GRM8: variants seen among roughly 807,000 people sequenced by gnomAD.
GRM8 encodes metabotropic glutamate receptor 8.
A neutral mutation model predicts 87.2 loss-of-function variants in GRM8; 47 were observed. That is an observed-to-expected ratio of 0.54 (90% CI 0.43 to 0.69). The LOEUF (loss-of-function observed/expected upper bound fraction) is 0.69. Among genes scored for constraint, GRM8 ranks in the 30% least tolerant of loss-of-function variants. The pLI, the probability that GRM8 is intolerant of heterozygous loss-of-function variation, is 0.00. For synonymous variants in GRM8, 396 were observed against 404.5 expected (o/e 0.98, Z 0.25); for missense variants, 1,019 against 1,139.2 (o/e 0.89, Z 1.52).
chr7:126,667,075 C>A (rs978162400), intron 7 of GRM8, among the ~76,000 whole-genome samples: 7 of 152,084 alleles, frequency 4.6e-5, no homozygotes, highest in Admixed American at 3.3e-4. Context: ...ATAATAATAA[C>A]AGATAACACA....
chr7:127,100,653 C>T (rs1441269620), intron 3 of GRM8, among the ~76,000 whole-genome samples: 1 of 152,162 alleles, frequency 6.6e-6, no homozygotes, highest in Non-Finnish European at 1.5e-5. Context: ...GGCAAGAATG[C>T]TTGTGCAGGG....
At chr7:126,742,461 A>T (rs1815121605) in intron 7 of GRM8, among the ~76,000 whole-genome samples, 1 of 151,892 alleles carries the variant, frequency 6.6e-6, no homozygotes, top group Non-Finnish European at 1.5e-5. Context: ...GATCTGGGTA[A>T]GCATTTCAAG....
At chr7:126,768,321 A>G (rs750481520) in intron 7 of GRM8, among the ~76,000 whole-genome samples, 14 of 146,220 alleles carry the variant, frequency 9.6e-5, no homozygotes, top group Non-Finnish European at 1.7e-4. Flanking sequence ...TCCTAAAAAC[A>G]AGCACAGCAA....
chr7:126,587,691 G>A (rs2151031236), intron 8 of GRM8, among the ~76,000 whole-genome samples: 1 of 131,294 alleles, frequency 7.6e-6, no homozygotes, highest in Middle Eastern at 4.2e-3. Context: ...ATGGGCGGGG[G>A]GAGGGATAGC....
At chr7:126,513,984 CAAAGTA>C (rs1365694571) in intron 9 of GRM8, among the ~76,000 whole-genome samples, 13 of 152,034 alleles carry the variant, frequency 8.6e-5, no homozygotes, top group African/African-American at 3.1e-4. Flanking sequence ...TAAAAAGAAA[CAAAGTA>C]GAGAGAACAG....
chr7:126,509,340 G>A (rs1810978119), intron 9 of GRM8, among the ~76,000 whole-genome samples: 1 of 151,960 alleles, frequency 6.6e-6, no homozygotes, highest in Admixed American at 6.6e-5. Context: ...GACACTTGAG[G>A]CAATAAAGGT....
intron 7 of GRM8, among the ~76,000 whole-genome samples, chr7:126,755,714 T>C (rs1468863357): frequency 6.6e-6 from 1 of 150,798 alleles, no homozygotes; most frequent in African/African-American, 2.4e-5. Context: ...ACTTTGGAAC[T>C]ACCCTAGAGA....
chr7:127,033,722 A>T (rs1455904234), intron 3 of GRM8, among the ~76,000 whole-genome samples: 5 of 152,144 alleles, frequency 3.3e-5, no homozygotes, highest in Non-Finnish European at 7.4e-5. Flanking sequence ...CTTTAGATAG[A>T]AGGGACTTTC....
intron 6 of GRM8, among the ~76,000 whole-genome samples, chr7:126,872,068 A>G (rs1018617994): frequency 6.6e-6 from 1 of 152,154 alleles, no homozygotes; most frequent in East Asian, 1.9e-4. Flanking sequence ...GTGTATGTCT[A>G]TAAGTGATCT....
At chr7:126,677,015 A>G (rs1003447105) in intron 7 of GRM8, among the ~76,000 whole-genome samples, 1 of 152,076 alleles carries the variant, frequency 6.6e-6, no homozygotes, top group East Asian at 1.9e-4. Flanking sequence ...AATCAGCAGG[A>G]AAAAAATGAT....
At chr7:126,929,474 C>G (rs1176782783) in intron 3 of GRM8, among the ~76,000 whole-genome samples, 1 of 152,066 alleles carries the variant, frequency 6.6e-6, no homozygotes, top group African/African-American at 2.4e-5. Context: ...TGCTCTGTCA[C>G]CCAGGCTGCA....
chr7:127,245,213 T>G (rs1798521984), intron 1 of GRM8, among the ~76,000 whole-genome samples: 1 of 152,200 alleles, frequency 6.6e-6, no homozygotes, highest in African/African-American at 2.4e-5. Flanking sequence ...AAGATTGTGT[T>G]TAACAGTTTC....
At chr7:126,471,331 G>A (rs1805193867) in intron 9 of GRM8, among the ~76,000 whole-genome samples, 1 of 152,020 alleles carries the variant, frequency 6.6e-6, no homozygotes, top group Admixed American at 6.6e-5. Flanking sequence ...TAGGTCTAAC[G>A]TTTAAGTCTT....
intron 2 of GRM8, among the ~76,000 whole-genome samples, chr7:127,151,625 C>T (rs867350015): frequency 7.2e-5 from 11 of 152,042 alleles, no homozygotes; most frequent in Admixed American, 4.6e-4. Flanking sequence ...TCACAGAGTT[C>T]TTGAGCCCCT....
At chr7:126,820,957 C>T (rs1446372221) in intron 6 of GRM8, among the ~76,000 whole-genome samples, 3 of 152,132 alleles carry the variant, frequency 2.0e-5, no homozygotes, top group South Asian at 2.1e-4. Flanking sequence ...AAAAATTAGC[C>T]GGGCATGGTG....
Position 126,527,256 on chromosome 7 carries a change from G to A in GRM8, c.2430+5696C>T, listed in dbSNP as rs528244892. On this transcript the variant is annotated intron_variant, in intron 9 of 10. Coordinates refer to ENST00000339582, the MANE Select transcript of GRM8 (RefSeq NM_000845.3). ...ATCTGTAATCCTAGCTACTTGAGAGGCTGAGGCAAGAGAATCGCTTGAACC... is the reference window on the plus strand; with the variant it reads ...ATCTGTAATCCTAGCTACTTGAGAGACTGAGGCAAGAGAATCGCTTGAACC... 2.0e-4 allele frequency among the ~76,000 whole-genome samples: 31 copies of A among 152,306 alleles called. No homozygotes were observed. In the South Asian group the frequency reaches 4.6e-3, roughly 22 times the overall value.
At chr7:126,562,597 A>T (rs892728699) in intron 8 of GRM8, among the ~76,000 whole-genome samples, 3 of 152,224 alleles carry the variant, frequency 2.0e-5, no homozygotes, top group Non-Finnish European at 4.4e-5. Flanking sequence ...AATTTATTTT[A>T]AAAATAAGCG....
At chr7:126,803,940 TCA>T (rs1438414765) in intron 6 of GRM8, among the ~76,000 whole-genome samples, 1 of 152,246 alleles carries the variant, frequency 6.6e-6, no homozygotes, top group African/African-American at 2.4e-5. Flanking sequence ...AATACTATTA[TCA>T]TGACTTAATG....
chr7:126,478,231 T>C (rs1806231723), intron 9 of GRM8, among the ~76,000 whole-genome samples: 2 of 152,172 alleles, frequency 1.3e-5, no homozygotes, highest in South Asian at 4.1e-4. Flanking sequence ...CTTTATCCTT[T>C]CTTGCCTAAA....
Sources: allele counts gnomAD v4.1 joint callset (sites outside exome capture counted in the v4.1 genomes callset), GRCh38; gene constraint gnomAD v4.1.1; transcripts MANE v1.5; gene names NCBI Gene and HGNC (gene_info 2026-07-23, HGNC 2026-07-21).